ACTMAP: variants seen among roughly 807,000 people sequenced by gnomAD.
ACTMAP encodes UPF0692 protein C19orf54.
the ACTMAP span, chr19:40,749,409 C>A: frequency 1.7e-5 from 24 of 1,415,196 alleles, no homozygotes; most frequent in South Asian, 2.7e-5. Context: ...CGGGAACCCC[C>A]CCCCCACCCC....
chr19:40,742,291 C>G, the ACTMAP span: 1 of 855,074 alleles, frequency 1.2e-6, no homozygotes, highest in Non-Finnish European at 1.8e-6. Context: ...GTGCTCAATA[C>G]TGCAGGGGGT....
the ACTMAP span, among the ~76,000 whole-genome samples, chr19:40,743,546 A>T: frequency 1.3e-5 from 2 of 152,068 alleles, no homozygotes; most frequent in African/African-American, 4.8e-5. Context: ...CCTTGTTCTA[A>T]GAGTGCTGAG....
chr19:40,743,900 C>T, the ACTMAP span: 1 of 1,613,938 alleles, frequency 6.2e-7, no homozygotes, highest in Non-Finnish European at 8.5e-7. Context: ...GGAGGGGGAA[C>T]CCACCTGCAC....
the ACTMAP span, chr19:40,742,187 C>T: frequency 1.5e-6 from 1 of 672,690 alleles, no homozygotes; most frequent in Non-Finnish European, 2.7e-6. Context: ...ACAGAGGCGG[C>T]CCCTAGTGAG....
chr19:40,742,702 AC>A, the ACTMAP span: 1 of 1,612,888 alleles, frequency 6.2e-7, no homozygotes, highest in Non-Finnish European at 8.5e-7. Context: ...ACTGGGTGGA[AC>A]AGGCCCGGCA....
At chr19:40,744,010 G>T in the ACTMAP span, 1 of 1,613,964 alleles carries the variant, frequency 6.2e-7, no homozygotes, top group Non-Finnish European at 8.5e-7. Context: ...CGATGGTGTG[G>T]CCCTGGGACC....
At chr19:40,744,801 C>A in the ACTMAP span, 3 of 1,398,352 alleles carry the variant, frequency 2.1e-6, no homozygotes, top group Non-Finnish European at 2.8e-6. Context: ...CCCAGGCCAG[C>A]GAGGGAGACC....
the ACTMAP span, chr19:40,749,726 A>G: frequency 3.3e-6 from 5 of 1,510,186 alleles, no homozygotes; most frequent in Admixed American, 1.3e-4. Flanking sequence ...GAGGAGATGG[A>G]ATGCTGCTGG....
At chr19:40,742,831 C>T in the ACTMAP span, 1 of 1,481,192 alleles carries the variant, frequency 6.8e-7, no homozygotes, top group Non-Finnish European at 9.1e-7. Context: ...TGCTGGGGCT[C>T]ACTAAGTTCC....
At chr19:40,742,460 G>A in the ACTMAP span, 1 of 1,469,918 alleles carries the variant, frequency 6.8e-7, no homozygotes, top group Non-Finnish European at 9.0e-7. Flanking sequence ...GTGGTGTGAG[G>A]AGCAGGGCCT....
At chr19:40,745,106 G>A in the ACTMAP span, 6 of 1,551,646 alleles carry the variant, frequency 3.9e-6, no homozygotes, top group East Asian at 2.4e-5. Context: ...AGATGGGCTG[G>A]GGTTCCCGCA....
the ACTMAP span, chr19:40,742,011 GAAC>G: frequency 0.021 from 9,775 of 455,278 alleles, 117 homozygotes; most frequent in Non-Finnish European, 0.029. Context: ...CCGGGGATTT[GAAC>G]AACACTTCAG....
the ACTMAP span, chr19:40,749,422 G>T: frequency 5.9e-6 from 7 of 1,184,554 alleles, no homozygotes; most frequent in East Asian, 2.9e-5. Flanking sequence ...CCCACCCCAA[G>T]AGATCTGTGA....
the ACTMAP span, chr19:40,741,202 G>A: frequency 2.5e-6 from 1 of 392,438 alleles, no homozygotes; most frequent in Non-Finnish European, 4.5e-6. Context: ...AGCACTTTGG[G>A]AGGCCGAGGC....
the ACTMAP span, among the ~76,000 whole-genome samples, chr19:40,748,860 CCT>C: frequency 4.2e-3 from 644 of 152,298 alleles, 5 homozygotes; most frequent in African/African-American, 0.015. Context: ...AGAAGCTCCC[CCT>C]GACTCCCCAG....
chr19:40,742,467 G>T, the ACTMAP span: 1 of 1,473,646 alleles, frequency 6.8e-7, no homozygotes, highest in Non-Finnish European at 9.0e-7. Context: ...GAGGAGCAGG[G>T]CCTGGCCACA....
At chr19:40,749,333 G>A in the ACTMAP span, 2 of 801,472 alleles carry the variant, frequency 2.5e-6, no homozygotes, top group South Asian at 1.9e-5. Context: ...ATTGCTGGAG[G>A]CACACCACCA....
the ACTMAP span, among the ~76,000 whole-genome samples, chr19:40,748,679 C>T: frequency 6.6e-6 from 1 of 152,210 alleles, no homozygotes; most frequent in Admixed American, 6.5e-5. Flanking sequence ...CTGGCTCTGC[C>T]GCTTTCACAG....
chr19:40,742,616 C>T, the ACTMAP span: 1 of 1,612,394 alleles, frequency 6.2e-7, no homozygotes, highest in Non-Finnish European at 8.5e-7. Context: ...AACTCTTGCC[C>T]TGCTTGGACA....
Sources: allele counts gnomAD v4.1 joint callset (sites outside exome capture counted in the v4.1 genomes callset), GRCh38; gene constraint gnomAD v4.1.1; transcripts MANE v1.5; gene names NCBI Gene and HGNC (gene_info 2026-07-23, HGNC 2026-07-21).